Variants in CRYBG1 observed in about 807,000 individuals in gnomAD.
CRYBG1 encodes beta/gamma crystallin domain-containing protein 1.
In CRYBG1, 139 loss-of-function variants were observed where a neutral mutation model predicts 189.2. The observed-to-expected ratio is 0.73, with a 90% CI of 0.64 to 0.85. The LOEUF (loss-of-function observed/expected upper bound fraction) is 0.85. CRYBG1 is among the 40% of genes least tolerant of loss of function. CRYBG1 has a pLI of 0.00. For missense variants in CRYBG1, 2,611 were observed against 2,675.8 expected (o/e 0.98, Z 0.53); for synonymous variants, 1,023 against 1,017.1 (o/e 1.01, Z -0.11).
intron 11 of CRYBG1, 111 bp from the exon 12 acceptor site, chr6:106,544,460 G>A: frequency 1.6e-6 from 2 of 1,243,218 alleles, no homozygotes; most frequent in South Asian, 1.5e-5. Context: ...TAAAGCAGAA[G>A]GTCATGTCTA....
At chr6:106,436,476 A>G (rs1771460940) in intron 1 of CRYBG1, among the ~76,000 whole-genome samples, 1 of 152,068 alleles carries the variant, frequency 6.6e-6, no homozygotes. Context: ...TTGTAATTTT[A>G]GTAGAGACGG....
intron 21 of CRYBG1, among the ~76,000 whole-genome samples, chr6:106,564,912 T>G (rs1049750606): frequency 2.6e-5 from 4 of 152,170 alleles, no homozygotes; most frequent in Non-Finnish European, 4.4e-5. Flanking sequence ...CTCCATTAAT[T>G]TTTTTAAATT....
intron 1 of CRYBG1, among the ~76,000 whole-genome samples, chr6:106,407,608 A>T (rs912364794): frequency 2.9e-4 from 44 of 152,212 alleles, no homozygotes; most frequent in South Asian, 2.1e-4. Flanking sequence ...TTATTCTAAA[A>T]CTAACCACAT....
At chr6:106,567,337 T>C (rs1774919370) in intron 21 of CRYBG1, among the ~76,000 whole-genome samples, 1 of 152,180 alleles carries the variant, frequency 6.6e-6, no homozygotes, top group Admixed American at 6.5e-5. Context: ...CCTTGTATTC[T>C]ATAGTACATC....
Position 106,551,886 on chromosome 6 carries a change from G to C in CRYBG1, c.5347G>C (p.Glu1783Gln). 1.2e-6 allele frequency: 2 copies of C among 1,612,184 alleles called. No individual in the cohort carries two copies. Among genetic ancestry groups the C allele is most frequent in the Non-Finnish European group, 1.7e-6 (2 of 1,178,608 alleles). Residue 1783 changes from glutamate to glutamine, a missense_variant, in exon 14 of 22, where the codon GAA (glutamate) becomes CAA (glutamine). By Grantham distance (29) the Glu-to-Gln change is conservative (BLOSUM62 2). Coordinates refer to ENST00000633556, the MANE Select transcript of CRYBG1 (RefSeq NM_001371242.2). ...VAYENPDFTG[E>Q]QYILDKGFYT... ...CTATGAAAATCCTGACTTCACAGGA[G>C]AACAGTATATACTGGATAAAGGATT...
rs1461998073 is a variant in CRYBG1, at chr6:106,570,031, T to C, written c.*1465T>C. On this transcript the variant is annotated 3_prime_UTR_variant, in exon 22 of 22. Transcript: ENST00000633556. ...AAATGCAAACAAACTGCTTAACAAC[T>C]GACAAGACACCAGCCCATACGCTGC... 1.3e-5 allele frequency: 2 copies of C among 152,258 alleles called. No individual in the cohort carries two copies. The highest frequency in any genetic ancestry group is 2.9e-5 in the Non-Finnish European group (2 of 68,048). 9.4% of individuals were successfully genotyped at this position (152,258 alleles called of 1,614,324 possible).
intron 1 of CRYBG1, among the ~76,000 whole-genome samples, chr6:106,394,878 G>A (rs1259963275): frequency 7.7e-6 from 1 of 130,228 alleles, no homozygotes; most frequent in Non-Finnish European, 1.7e-5. Flanking sequence ...TTTTTTTTGA[G>A]ACAGTCTTGT....
chr6:106,396,808 A>C (rs1198347624), intron 1 of CRYBG1, among the ~76,000 whole-genome samples: 1 of 152,126 alleles, frequency 6.6e-6, no homozygotes, highest in East Asian at 1.9e-4. Context: ...CAGCCTCCCA[A>C]ATATCTGAGG....
At chr6:106,416,910 T>C (rs188977833) in intron 1 of CRYBG1, among the ~76,000 whole-genome samples, 17 of 152,284 alleles carry the variant, frequency 1.1e-4, no homozygotes, top group Non-Finnish European at 2.2e-4. Flanking sequence ...ATGGGGATTT[T>C]ATTTTCCAGC....
chr6:106,440,144 T>G (rs1269464862), intron 1 of CRYBG1, among the ~76,000 whole-genome samples: 1 of 152,148 alleles, frequency 6.6e-6, no homozygotes, highest in Non-Finnish European at 1.5e-5. Flanking sequence ...GCCTCTCTTC[T>G]TCTGCCCTCT....
At chr6:106,419,661 G>C (rs1177639112) in intron 1 of CRYBG1, among the ~76,000 whole-genome samples, 2 of 152,218 alleles carry the variant, frequency 1.3e-5, no homozygotes, top group Non-Finnish European at 2.9e-5. Context: ...TGGGATTACA[G>C]GCGTGAGCCA....
Position 106,543,598 on chromosome 6 carries a change from G to A in CRYBG1, c.5039+1G>A. 2 of 1,613,190 alleles carry A rather than the reference G, an allele frequency of 1.2e-6. No individual in the cohort carries two copies. The highest frequency in any genetic ancestry group is 1.7e-6 in the Non-Finnish European group (2 of 1,179,574). Reference sequence around the variant, plus strand: ...GGTCTATGAAAGTTCTAAGAGGCATGTAAGTACATGGGTGACTTGTTAGGA... The same window carrying A: ...GGTCTATGAAAGTTCTAAGAGGCATATAAGTACATGGGTGACTTGTTAGGA... On this transcript the variant is annotated splice_donor_variant, in intron 11 of 21. Transcript: ENST00000633556. LOFTEE classifies it high-confidence loss of function.
intron 2 of CRYBG1, among the ~76,000 whole-genome samples, chr6:106,467,226 G>T (rs917641872): frequency 6.6e-6 from 1 of 152,186 alleles, no homozygotes; most frequent in Non-Finnish European, 1.5e-5. Flanking sequence ...ACTTTGGGAG[G>T]CTGAGGCAGG....
chr6:106,415,930 C>G (rs189903895), intron 1 of CRYBG1, among the ~76,000 whole-genome samples: 4 of 152,116 alleles, frequency 2.6e-5, no homozygotes, highest in Non-Finnish European at 5.9e-5. Flanking sequence ...CAGTCCCCCC[C>G]ATTCCTCTTT....
chr6:106,425,759 G>A (rs1357200177), intron 1 of CRYBG1, among the ~76,000 whole-genome samples: 12 of 152,130 alleles, frequency 7.9e-5, no homozygotes, highest in Admixed American at 7.9e-4. Context: ...AGCCTCCTGA[G>A]TAGCTGGGAT....
intron 2 of CRYBG1, among the ~76,000 whole-genome samples, chr6:106,482,958 T>A (rs1772501166): frequency 6.6e-6 from 1 of 152,214 alleles, no homozygotes; most frequent in Non-Finnish European, 1.5e-5. Flanking sequence ...AGCATATTCA[T>A]CACCTCATGC....
At chr6:106,485,118 T>C (rs1369345284) in intron 2 of CRYBG1, among the ~76,000 whole-genome samples, 1 of 152,242 alleles carries the variant, frequency 6.6e-6, no homozygotes, top group African/African-American at 2.4e-5. Flanking sequence ...TTTCTTCCAA[T>C]CCATGGACAG....
chr6:106,446,353 T>C (rs1771663990), intron 1 of CRYBG1, among the ~76,000 whole-genome samples: 1 of 152,198 alleles, frequency 6.6e-6, no homozygotes. Context: ...GTATCTGGTG[T>C]CTTAGGTTCC....
intron 8 of CRYBG1, 78 bp downstream of exon 8, chr6:106,530,393 C>T: frequency 1.5e-6 from 2 of 1,338,892 alleles, no homozygotes; most frequent in South Asian, 1.6e-5. Context: ...ACTTAAGATA[C>T]TCTGACTCTA....
Sources: gnomAD v4.1 joint callset for allele counts (sites outside exome capture counted in the v4.1 genomes callset) on GRCh38, gnomAD v4.1.1 for gene constraint, MANE v1.5 for transcripts, NCBI Gene and HGNC (gene_info 2026-07-23, HGNC 2026-07-21) for gene names.